The following FGD4 variants were observed in gnomAD, a reference collection of about 807,000 sequenced individuals.
The protein encoded by FGD4 is FYVE, RhoGEF and PH domain containing 4.
FGD4 carries 42 observed loss-of-function variants against 102.0 expected under a neutral mutation model. That is an observed-to-expected ratio of 0.41 (90% CI 0.32 to 0.53). The LOEUF (loss-of-function observed/expected upper bound fraction) is 0.53, where lower values mean the gene tolerates loss of function less well. FGD4 is among the 20% of genes least tolerant of loss of function. FGD4 has a pLI of 0.21. For synonymous variants in FGD4, 380 were observed against 375.7 expected, an observed-to-expected ratio of 1.01 and a Z score of -0.13; for missense variants, 902 against 1,078.2, an observed-to-expected ratio of 0.84 and a Z score of 2.29.
At chr12:32,578,558 G>C (rs963811452) in intron 3 of FGD4, among the ~76,000 whole-genome samples, 18 of 152,246 alleles carry the variant, frequency 1.2e-4, no homozygotes, top group African/African-American at 4.3e-4. Context: ...GGCTGGGTAC[G>C]GTGGCTCATG....
intron 10 of FGD4, 135 bp from the exon 11 acceptor site, chr12:32,619,563 C>T (rs759928045): frequency 6.5e-5 from 62 of 950,172 alleles, no homozygotes; most frequent in Admixed American, 1.3e-4. Context: ...ACCCGGGAGG[C>T]AGAGCTTACA....
intron 7 of FGD4, among the ~76,000 whole-genome samples, chr12:32,602,933 T>G (rs187811315): frequency 8.5e-5 from 13 of 152,358 alleles, no homozygotes; most frequent in Admixed American, 7.8e-4. Context: ...TGTACCATTT[T>G]AATTCCTCTA....
chr12:32,460,734 A>G (rs1447326610), intron 1 of FGD4, among the ~76,000 whole-genome samples: 2 of 152,214 alleles, frequency 1.3e-5, no homozygotes, highest in African/African-American at 4.8e-5. Context: ...ACCAGTGATT[A>G]TATGATTTCC....
intron 7 of FGD4, among the ~76,000 whole-genome samples, chr12:32,603,807 A>G (rs536283470): frequency 3.6e-4 from 55 of 151,344 alleles, no homozygotes; most frequent in African/African-American, 5.8e-4. Flanking sequence ...GGCTTGAGCA[A>G]TCCTCCCACC....
Position 32,450,810 on chromosome 12 carries a change from C to T in FGD4, c.166+50851C>T, listed in dbSNP as rs1420889354. On this transcript the variant is annotated intron_variant, in intron 1 of 16. Coordinates refer to ENST00000534526, the MANE Select transcript of FGD4 (RefSeq NM_001370298.3). ...TTACCACAGGATTCATTCCAGTTTT[C>T]TCCCTTGCCCCATTTGTAACTTCTT... 3.9e-5 allele frequency among the ~76,000 whole-genome samples: 6 copies of T among 152,322 alleles called. No homozygotes were observed. In the South Asian group the frequency reaches 1.2e-3, roughly 32 times the overall value.
At chr12:32,593,884 T>C (rs545649536) in intron 4 of FGD4, among the ~76,000 whole-genome samples, 1 of 152,280 alleles carries the variant, frequency 6.6e-6, no homozygotes, top group East Asian at 1.9e-4. Context: ...CTGCTACTAA[T>C]AACAACATGC....
At chr12:32,633,750 C>T (rs1182212317) in intron 15 of FGD4, 61 bp downstream of exon 15, 54 of 1,463,784 alleles carry the variant, frequency 3.7e-5, no homozygotes, top group Non-Finnish European at 4.9e-5. Context: ...GACTCTCGCT[C>T]TGTCACCCAG....
chr12:32,601,541 A>G, intron 6 of FGD4, 118 bp downstream of exon 6: 3 of 1,200,720 alleles, frequency 2.5e-6, no homozygotes, highest in Non-Finnish European at 3.4e-6. Flanking sequence ...CTAAATTTTT[A>G]CATTAAAGAC....
At chr12:32,609,781 G>C (rs1286338251) in intron 8 of FGD4, among the ~76,000 whole-genome samples, 1 of 152,184 alleles carries the variant, frequency 6.6e-6, no homozygotes, top group African/African-American at 2.4e-5. Context: ...TAGTTGAAAA[G>C]TCTCAGGGTT....
intron 1 of FGD4, among the ~76,000 whole-genome samples, chr12:32,509,039 A>G (rs1413071500): frequency 6.6e-6 from 1 of 152,242 alleles, no homozygotes; most frequent in Non-Finnish European, 1.5e-5. Context: ...TGTTTTCTAT[A>G]TGTCAGAGAC....
intron 3 of FGD4, among the ~76,000 whole-genome samples, chr12:32,579,264 G>A (rs1161288127): frequency 3.9e-5 from 6 of 151,930 alleles, no homozygotes; most frequent in African/African-American, 7.3e-5. Context: ...GGCTGGGCTC[G>A]AACTCCTGAC....
intron 1 of FGD4, among the ~76,000 whole-genome samples, chr12:32,467,741 C>G (rs1281098096): frequency 3.9e-5 from 6 of 152,144 alleles, no homozygotes; most frequent in Admixed American, 3.3e-4. Flanking sequence ...TTTGGCCGGG[C>G]TTGGTGGCTC....
At chr12:32,614,667 C>T (rs1949343975) in intron 10 of FGD4, among the ~76,000 whole-genome samples, 1 of 152,162 alleles carries the variant, frequency 6.6e-6, no homozygotes. Flanking sequence ...AAGCGTACAC[C>T]TTACAGTCCT....
At chr12:32,402,151 A>T in intron 1 of FGD4, among the ~76,000 whole-genome samples, 2 of 124,356 alleles carry the variant, frequency 1.6e-5, no homozygotes, top group South Asian at 5.2e-4. Context: ...TTTTTTAAAG[A>T]GACGGGATTG....
At chr12:32,479,704 C>T (rs551493062) in intron 1 of FGD4, among the ~76,000 whole-genome samples, 91 of 149,930 alleles carry the variant, frequency 6.1e-4, no homozygotes, top group Non-Finnish European at 1.1e-3. Flanking sequence ...TAGTTATATT[C>T]GTTTACTATT....
intron 2 of FGD4, among the ~76,000 whole-genome samples, chr12:32,565,970 C>T (rs2136298264): frequency 6.6e-6 from 1 of 152,302 alleles, no homozygotes; most frequent in African/African-American, 2.4e-5. Flanking sequence ...TTTCACCCTG[C>T]CCTTTTATAT....
chr12:32,432,010 A>G (rs1942061756), intron 1 of FGD4, among the ~76,000 whole-genome samples: 1 of 145,514 alleles, frequency 6.9e-6, no homozygotes, highest in Non-Finnish European at 1.5e-5. Context: ...TAAAATTGGG[A>G]GCCCTGGTTG....
chr12:32,546,512 G>A (rs1349656313), intron 1 of FGD4, among the ~76,000 whole-genome samples: 2 of 152,246 alleles, frequency 1.3e-5, no homozygotes, highest in Non-Finnish European at 2.9e-5. Flanking sequence ...TACCTATAAT[G>A]TGCAGGTATC....
chr12:32,624,357 GT>G (rs1323963980), intron 11 of FGD4, 64 bp from the exon 12 acceptor site: 2 of 1,287,730 alleles, frequency 1.6e-6, no homozygotes, highest in African/African-American at 3.0e-5. Flanking sequence ...GGAAAGCATA[GT>G]TTTATTCACC....
Sources: allele counts gnomAD v4.1 joint callset (sites outside exome capture counted in the v4.1 genomes callset), GRCh38; gene constraint gnomAD v4.1.1; transcripts MANE v1.5; gene names NCBI Gene and HGNC (gene_info 2026-07-23, HGNC 2026-07-21).